The following MPRIP variants were observed in gnomAD, a reference collection of about 807,000 sequenced individuals.
MPRIP encodes myosin phosphatase Rho interacting protein.
MPRIP carries 59 observed loss-of-function variants against 234.9 expected under a neutral mutation model. The ratio of observed to expected loss-of-function variants is 0.25; its 90% CI spans 0.20 to 0.31. The LOEUF is 0.31. Ranked by LOEUF, MPRIP falls within the 10% of genes least tolerant of loss-of-function variation. The pLI is 1.00. For missense variants in MPRIP, 2,436 were observed against 3,071.0 expected (o/e 0.79, Z 4.89); for synonymous variants, 1,144 against 1,263.9 (o/e 0.91, Z 2.01).
rs555590244 is a variant in MPRIP at position 17,071,102 on chromosome 17, T to C, written c.124-4608T>C. On this transcript the variant is annotated intron_variant, in intron 1 of 23. Transcript: ENST00000651222. ...GAGCAAGAAGGGTCCTCGTTGCTGT[T>C]GGTGGGATGTAAGGCCCTTGTGTCT... Among the ~76,000 whole-genome samples the C allele has an allele frequency of 1.7e-3, 252 of 152,276 alleles. 3 individuals carry two copies. Among genetic ancestry groups the C allele is most frequent in the African/African-American group, 5.8e-3 (241 of 41,558 alleles).
intron 17 of MPRIP, 79 bp from the exon 18 acceptor site, chr17:17,172,619 G>T: frequency 9.0e-7 from 1 of 1,109,484 alleles, no homozygotes; most frequent in Non-Finnish European, 1.3e-6. Context: ...CCATCCCATT[G>T]TGTGGAGCTC....
At position 17,171,877 on chromosome 17, in the gene MPRIP, G is replaced by A. The variant is rs1271398841; in HGVS notation, c.6472+12G>A. 2 of 1,610,534 alleles carry A rather than the reference G, an allele frequency of 1.2e-6. No homozygotes were observed. Among genetic ancestry groups the A allele is most frequent in the Non-Finnish European group, 1.7e-6 (2 of 1,179,032 alleles). On this transcript the variant is annotated intron_variant, in intron 17 of 23. Coordinates refer to ENST00000651222, the MANE Select transcript of MPRIP (RefSeq NM_001364716.4). ...GGCCACCATCTCAGGTTGGGGGGTG[G>A]GGTAACCCTGAGGGCAGGGTGGGTG...
At chr17:17,116,228 G>C (rs1053095492) in intron 3 of MPRIP, among the ~76,000 whole-genome samples, 2 of 152,214 alleles carry the variant, frequency 1.3e-5, no homozygotes, top group Non-Finnish European at 2.9e-5. Flanking sequence ...CAGTTGGGCA[G>C]ACCTGTGGAT....
intron 1 of MPRIP, among the ~76,000 whole-genome samples, chr17:17,066,402 T>C (rs2089025303): frequency 6.6e-6 from 1 of 152,262 alleles, no homozygotes. Context: ...TAGGACCATG[T>C]GGCTTTTCTT....
At chr17:17,050,432 G>A (rs1034519326) in intron 1 of MPRIP, among the ~76,000 whole-genome samples, 18 of 151,558 alleles carry the variant, frequency 1.2e-4, no homozygotes, top group African/African-American at 3.6e-4. Context: ...CGCATTTTAC[G>A]TTACAGCACA....
At chr17:17,098,609 G>A (rs1445608248) in intron 3 of MPRIP, among the ~76,000 whole-genome samples, 1 of 152,202 alleles carries the variant, frequency 6.6e-6, no homozygotes, top group African/African-American at 2.4e-5. Context: ...GAGAAAGAAG[G>A]AAGGGGAAAA....
chr17:17,112,247 T>G (rs1177000988), intron 3 of MPRIP, among the ~76,000 whole-genome samples: 1 of 152,088 alleles, frequency 6.6e-6, no homozygotes, highest in Non-Finnish European at 1.5e-5. Context: ...TGGGCCTAGC[T>G]CTCTCTGTCG....
chr17:17,139,561 T>TA (rs2090771128), intron 7 of MPRIP, among the ~76,000 whole-genome samples: 1 of 152,180 alleles, frequency 6.6e-6, no homozygotes, highest in South Asian at 2.1e-4. Context: ...AGCTCAGAGT[T>TA]AGAGACGCTA....
chr17:17,169,522 G>T (rs2046083877), intron 16 of MPRIP, among the ~76,000 whole-genome samples: 1 of 152,220 alleles, frequency 6.6e-6, no homozygotes, highest in Non-Finnish European at 1.5e-5. Context: ...GATTGTGCTG[G>T]GCCAGTGTCA....
chr17:17,139,705 G>A (rs1016560128), intron 7 of MPRIP, among the ~76,000 whole-genome samples: 1 of 152,154 alleles, frequency 6.6e-6, no homozygotes, highest in African/African-American at 2.4e-5. Context: ...TCTTCCAAAC[G>A]TCCCAGATGA....
At chr17:17,145,087 G>A (rs1841943544) in intron 9 of MPRIP, among the ~76,000 whole-genome samples, 1 of 152,206 alleles carries the variant, frequency 6.6e-6, no homozygotes, top group South Asian at 2.1e-4. Context: ...CGTTGGGGTT[G>A]AAACAGGGCT....
intron 1 of MPRIP, among the ~76,000 whole-genome samples, chr17:17,055,748 G>A (rs1415135383): frequency 6.6e-6 from 1 of 152,164 alleles, no homozygotes; most frequent in African/African-American, 2.4e-5. Context: ...TTCCTAGGGG[G>A]CCCGGCCAGC....
At chr17:17,152,769 G>A (rs749204032) in intron 12 of MPRIP, among the ~76,000 whole-genome samples, 2 of 152,222 alleles carry the variant, frequency 1.3e-5, no homozygotes, top group Non-Finnish European at 2.9e-5. Flanking sequence ...GGACATGCAG[G>A]TCCATTAGAA....
chr17:17,127,827 T>G (rs1265182984), intron 4 of MPRIP, among the ~76,000 whole-genome samples: 1 of 152,212 alleles, frequency 6.6e-6, no homozygotes, highest in Non-Finnish European at 1.5e-5. Flanking sequence ...GCCTCTCAGC[T>G]GCAGCCTGGC....
chr17:17,113,856 G>T (rs2349646), intron 3 of MPRIP, among the ~76,000 whole-genome samples: 121,074 of 147,698 alleles, frequency 0.82, 49,823 homozygotes, highest in East Asian at 0.99. Context: ...TGTGGCTGAT[G>T]TGATTTGCAT....
intron 18 of MPRIP, 111 bp downstream of exon 18, chr17:17,172,926 T>A: frequency 1.1e-6 from 1 of 925,766 alleles, no homozygotes; most frequent in Non-Finnish European, 1.6e-6. Flanking sequence ...AAGTGGGGCC[T>A]GGGGCCCCTG....
At chr17:17,073,687 G>A (rs1306677395) in intron 1 of MPRIP, among the ~76,000 whole-genome samples, 2 of 152,090 alleles carry the variant, frequency 1.3e-5, no homozygotes, top group East Asian at 3.9e-4. Context: ...CAAGGCCTCT[G>A]GGTGGGGTCT....
chr17:17,087,567 AC>A (rs1283950842), intron 3 of MPRIP, among the ~76,000 whole-genome samples: 1 of 152,190 alleles, frequency 6.6e-6, no homozygotes, highest in African/African-American at 2.4e-5. Flanking sequence ...AAGAGAAGAC[AC>A]AGGTTGGCCC....
At chr17:17,099,132 A>G (rs758885730) in intron 3 of MPRIP, among the ~76,000 whole-genome samples, 110 of 152,278 alleles carry the variant, frequency 7.2e-4, no homozygotes, top group Non-Finnish European at 1.2e-3. Flanking sequence ...GCCATGTCAA[A>G]GGCACATACA....
Sources: allele counts gnomAD v4.1 joint callset (sites outside exome capture counted in the v4.1 genomes callset), GRCh38; gene constraint gnomAD v4.1.1; transcripts MANE v1.5; gene names NCBI Gene and HGNC (gene_info 2026-07-23, HGNC 2026-07-21).